CDKL1: variants seen among roughly 807,000 people sequenced by gnomAD.
CDKL1 encodes the protein cyclin-dependent kinase-like 1.
A neutral mutation model predicts 42.0 loss-of-function variants in CDKL1; 41 were observed. The observed-to-expected ratio is 0.98, with a 90% confidence interval of 0.76 to 1.27. The LOEUF is 1.27. Ranked by LOEUF, CDKL1 falls within the 50% of genes most tolerant of loss-of-function variation. The probability of loss-of-function intolerance (pLI) is 0.00; values close to 1 mark genes in which losing one functional copy is unlikely to be tolerated. For missense variants in CDKL1, 394 were observed against 428.4 expected (o/e 0.92, Z 0.71); for synonymous variants, 153 against 158.6 (o/e 0.96, Z 0.26).
At chr14:50,361,310 T>C (rs2034239590) in intron 2 of CDKL1, among the ~76,000 whole-genome samples, 1 of 152,222 alleles carries the variant, frequency 6.6e-6, no homozygotes, top group Non-Finnish European at 1.5e-5. Context: ...AAAATCCCTC[T>C]GTATTTTCAA....
intron 2 of CDKL1, among the ~76,000 whole-genome samples, chr14:50,360,702 G>A (rs575668805): frequency 2.6e-5 from 4 of 152,112 alleles, no homozygotes; most frequent in African/African-American, 9.6e-5. Flanking sequence ...CCATGAACCC[G>A]GCCATGAGCC....
At chr14:50,331,797 C>T (rs4901014) in intron 9 of CDKL1, 304,851 of 537,106 alleles carry the variant, frequency 0.57, 86,918 homozygotes, top group East Asian at 0.6. Context: ...GCTGATACCA[C>T]CAAAAGCACT....
intron 2 of CDKL1, among the ~76,000 whole-genome samples, chr14:50,381,056 G>A (rs2139516026): frequency 6.6e-6 from 1 of 152,272 alleles, no homozygotes; most frequent in South Asian, 2.1e-4. Context: ...TTGGATTTTG[G>A]AGGCAGCATG....
At chr14:50,397,061 G>A (rs765184096), upstream of CDKL1, 23 of 1,327,950 alleles carry the variant, frequency 1.7e-5, no homozygotes, top group African/African-American at 3.1e-4. Context: ...TCCTGACCGC[G>A]GGCCGAGTCC....
At chr14:50,396,994 C>CCA (rs2035432041), upstream of CDKL1, 2 of 1,021,260 alleles carry the variant, frequency 2.0e-6, no homozygotes, top group Admixed American at 6.4e-5. Context: ...CCAGCCCGGC[C>CCA]GCCCTCCCGG....
intron 2 of CDKL1, among the ~76,000 whole-genome samples, chr14:50,376,854 A>G (rs1161057150): frequency 6.6e-6 from 1 of 152,230 alleles, no homozygotes; most frequent in East Asian, 1.9e-4. Flanking sequence ...CCAGATGTTG[A>G]TAAGTCTTAT....
intron 8 of CDKL1, chr14:50,332,781 G>T: frequency 1.2e-6 from 1 of 812,006 alleles, no homozygotes; most frequent in Non-Finnish European, 1.9e-6. Context: ...CATGTACTTT[G>T]TAAAAACTAG....
rs550890689 is a variant in CDKL1 at position 50,341,471 on chromosome 14, G to T, written c.455-239C>A. Among the ~76,000 whole-genome samples, 885 of 116,360 alleles carry T rather than the reference G, an allele frequency of 7.6e-3. 25 individuals carry two copies. Among genetic ancestry groups the T allele is most frequent in the African/African-American group, 0.026 (802 of 30,494 alleles). The allele number at this position is 116,360 out of a possible 152,430, so 76.3% of individuals were successfully genotyped here. ...GGGGAGGGTCTGGGGGGGGGGGGGG[G>T]GTTATTTGGCTTAGAATTTAAAGTT... On this transcript the variant is annotated intron_variant, in intron 5 of 9. Transcript: ENST00000395834.
At chr14:50,354,316 T>G (rs1414970048) in intron 3 of CDKL1, among the ~76,000 whole-genome samples, 1 of 152,132 alleles carries the variant, frequency 6.6e-6, no homozygotes, top group Non-Finnish European at 1.5e-5. Flanking sequence ...ATTTTTAATC[T>G]AAAAAAGAGA....
At chr14:50,335,772 TCCTGGTGCTGTGG>T in intron 7 of CDKL1, 2 of 985,352 alleles carry the variant, frequency 2.0e-6, no homozygotes, top group Non-Finnish European at 2.4e-6. Context: ...AATCAAACAG[TCCTGGTGCTGTGG>T]CCAGCTTTCA....
intron 2 of CDKL1, among the ~76,000 whole-genome samples, chr14:50,379,284 G>C (rs2034834929): frequency 6.6e-6 from 1 of 152,162 alleles, no homozygotes; most frequent in Non-Finnish European, 1.5e-5. Flanking sequence ...GGAAATATTA[G>C]AAAGGATGTG....
chr14:50,365,887 G>A (rs1386265348), intron 2 of CDKL1, among the ~76,000 whole-genome samples: 3 of 152,096 alleles, frequency 2.0e-5, no homozygotes, highest in East Asian at 1.9e-4. Context: ...TCCTGCCCTC[G>A]AACATTAGAC....
intron 4 of CDKL1, chr14:50,343,155 C>CTTTTTTTTTTTT (rs3049935): frequency 3.9e-6 from 1 of 258,112 alleles, no homozygotes; most frequent in African/African-American, 3.0e-5. Flanking sequence ...TTAAGAGTTA[C>CTTTTTTTTTTTT]TTTTTTTTTT....
At chr14:50,376,853 G>A (rs894340127) in intron 2 of CDKL1, among the ~76,000 whole-genome samples, 7 of 152,152 alleles carry the variant, frequency 4.6e-5, no homozygotes, top group Non-Finnish European at 8.8e-5. Context: ...CCCAGATGTT[G>A]ATAAGTCTTA....
At chr14:50,346,600 T>G (rs902743172) in intron 3 of CDKL1, among the ~76,000 whole-genome samples, 4 of 151,726 alleles carry the variant, frequency 2.6e-5, no homozygotes, top group Admixed American at 2.6e-4. Context: ...GCCTCTACAT[T>G]TTGTCCAGAA....
At chr14:50,391,083 T>G (rs986670695) in intron 2 of CDKL1, among the ~76,000 whole-genome samples, 1 of 152,150 alleles carries the variant, frequency 6.6e-6, no homozygotes, top group Non-Finnish European at 1.5e-5. Context: ...GATCAGCACG[T>G]TGGCCTCCCA....
At chr14:50,379,094 T>C (rs1433725534) in intron 2 of CDKL1, among the ~76,000 whole-genome samples, 1 of 152,194 alleles carries the variant, frequency 6.6e-6, no homozygotes, top group Non-Finnish European at 1.5e-5. Context: ...TCAAGTGATC[T>C]GCCCGCCTCA....
chr14:50,365,838 G>C (rs1000176806), intron 2 of CDKL1, among the ~76,000 whole-genome samples: 1 of 152,208 alleles, frequency 6.6e-6, no homozygotes, highest in African/African-American at 2.4e-5. Context: ...TTGATTTGCT[G>C]AGTCTTCCGG....
chr14:50,362,969 C>A (rs28434133), intron 2 of CDKL1: 4 of 465,712 alleles, frequency 8.6e-6, no homozygotes, highest in African/African-American at 6.0e-5. Flanking sequence ...GCTTTGGGTC[C>A]GCACTGCTGT....
Sources: gnomAD v4.1 joint callset for allele counts (sites outside exome capture counted in the v4.1 genomes callset) on GRCh38, gnomAD v4.1.1 for gene constraint, MANE v1.5 for transcripts, NCBI Gene and HGNC (gene_info 2026-07-23, HGNC 2026-07-21) for gene names.